NECAP1: variants seen among roughly 807,000 people sequenced by gnomAD.
The protein encoded by NECAP1 is adaptin ear-binding coat-associated protein 1.
In NECAP1, 13 loss-of-function variants were observed where a neutral mutation model predicts 33.4. That is an observed-to-expected ratio of 0.39 (90% confidence interval 0.25 to 0.62). The LOEUF (loss-of-function observed/expected upper bound fraction) is 0.62, where lower values mean the gene tolerates loss of function less well. Among genes scored for constraint, NECAP1 ranks in the 20% least tolerant of loss-of-function variants. The probability of loss-of-function intolerance (pLI) is 0.52; values close to 1 mark genes in which losing one functional copy is unlikely to be tolerated. For synonymous variants in NECAP1, 109 were observed against 125.2 expected (o/e 0.87, Z 0.86); for missense variants, 272 against 347.4 (o/e 0.78, Z 1.73).
chr12:8,090,600 G>C (rs1947534466), intron 3 of NECAP1: 2 of 268,304 alleles, frequency 7.5e-6, no homozygotes, highest in Non-Finnish European at 1.5e-5. Flanking sequence ...CCTGAGGTCA[G>C]GAGTTTGAGG....
At chr12:8,090,432 CT>C in intron 3 of NECAP1, 133 bp downstream of exon 3, 3 of 764,246 alleles carry the variant, frequency 3.9e-6, no homozygotes, top group Non-Finnish European at 6.4e-6. Flanking sequence ...TAAAGTTGCT[CT>C]AGTTGCTAAA....
chr12:8,092,586 C>G, intron 4 of NECAP1, 90 bp from the exon 5 acceptor site: 1 of 884,512 alleles, frequency 1.1e-6, no homozygotes, highest in Admixed American at 2.8e-5. Flanking sequence ...TCTGGAATCT[C>G]ATTTCATAAA....
chr12:8,085,127 T>C (rs1386464510), intron 1 of NECAP1, among the ~76,000 whole-genome samples: 1 of 152,108 alleles, frequency 6.6e-6, no homozygotes, highest in Non-Finnish European at 1.5e-5. Context: ...TCAAGTGATT[T>C]TCCTGCCTCA....
chr12:8,088,907 T>C (rs1488177351), intron 1 of NECAP1: 1 of 152,162 alleles, frequency 6.6e-6, no homozygotes, highest in African/African-American at 2.4e-5. Flanking sequence ...GATAACTCTC[T>C]TGCTTCACAT....
chr12:8,095,754 T>G, intron 7 of NECAP1, 51 bp downstream of exon 7: 1 of 1,507,806 alleles, frequency 6.6e-7, no homozygotes, highest in Non-Finnish European at 9.2e-7. Context: ...GTAGGAGATA[T>G]GTACAGTCAA....
intron 1 of NECAP1, among the ~76,000 whole-genome samples, chr12:8,085,686 C>CTTTTTTT (rs554942626): frequency 1.5e-4 from 16 of 104,822 alleles, no homozygotes; most frequent in African/African-American, 5.5e-4. Flanking sequence ...ACTTAATCTT[C>CTTTTTTT]TTTTTTTTTT....
At chr12:8,088,746 G>T (rs1032160266) in intron 1 of NECAP1, 4 of 152,198 alleles carry the variant, frequency 2.6e-5, no homozygotes, top group Admixed American at 2.6e-4. Flanking sequence ...TGATCTGGCC[G>T]TCTGTTACCT....
chr12:8,091,728 A>G, intron 3 of NECAP1, 41 bp from the exon 4 acceptor site: 12 of 1,592,266 alleles, frequency 7.5e-6, no homozygotes, highest in Non-Finnish European at 1.0e-5. Flanking sequence ...CTCCTGCCAT[A>G]GAGGATACTT....
chr12:8,092,328 G>T, intron 4 of NECAP1: 1 of 264,262 alleles, frequency 3.8e-6, no homozygotes. Context: ...AGGACTCTCT[G>T]AAGTTATAGA....
At chr12:8,088,215 C>T (rs1466781023) in intron 1 of NECAP1, among the ~76,000 whole-genome samples, 1 of 152,146 alleles carries the variant, frequency 6.6e-6, no homozygotes, top group African/African-American at 2.4e-5. Context: ...TTGAACTCGT[C>T]TCATATATTT....
Position 8,082,282 on chromosome 12 carries a change from A to T in NECAP1, c.-7A>T, listed in dbSNP as rs768850267. On this transcript the variant is annotated 5_prime_UTR_variant, in exon 1 of 8. Transcript: ENST00000339754. ...TCGCCCCCGGCAGCGCCGACAGCGG[A>T]CCCAAGATGGCGACCGAGTTGGAGT... The T allele has an allele frequency of 9.5e-6, 15 of 1,586,534 alleles. No individual in the cohort carries two copies. The highest frequency in any genetic ancestry group is 1.3e-5 in the African/African-American group (1 of 74,468).
At chr12:8,087,005 A>T (rs945860875) in intron 1 of NECAP1, among the ~76,000 whole-genome samples, 38 of 81,716 alleles carry the variant, frequency 4.7e-4, no homozygotes, top group African/African-American at 1.2e-3. Context: ...CTATAAAACT[A>T]TTTTTTTTTA....
At chr12:8,094,233 T>C (rs1329236215) in intron 6 of NECAP1, among the ~76,000 whole-genome samples, 1 of 152,180 alleles carries the variant, frequency 6.6e-6, no homozygotes, top group African/African-American at 2.4e-5. Flanking sequence ...TAAATTAAAT[T>C]ATTATTTTGA....
At chr12:8,086,486 C>T (rs745679499) in intron 1 of NECAP1, among the ~76,000 whole-genome samples, 52 of 151,708 alleles carry the variant, frequency 3.4e-4, no homozygotes, top group African/African-American at 1.2e-3. Context: ...TGGTGGCGCA[C>T]ACCTGTAGTC....
intron 1 of NECAP1, among the ~76,000 whole-genome samples, chr12:8,084,550 C>G (rs1947470160): frequency 6.6e-6 from 1 of 151,850 alleles, no homozygotes; most frequent in African/African-American, 2.4e-5. Flanking sequence ...TCATCCTCGC[C>G]CCTCCCCCGA....
In NECAP1 at chr12:8,083,302, AC is replaced by A. The variant is rs1947458821; in HGVS notation, c.95+921del. Reference sequence around the variant, plus strand: ...GAAAAAAAAACCTGTTAGTGATGATACCTGCGCTCTTATAATGTGCTTAACA... The same window carrying A: ...GAAAAAAAAACCTGTTAGTGATGATACTGCGCTCTTATAATGTGCTTAACA... On this transcript the variant is annotated intron_variant, in intron 1 of 7. Coordinates refer to ENST00000339754, the MANE Select transcript of NECAP1 (RefSeq NM_015509.4). 3.9e-5 allele frequency among the ~76,000 whole-genome samples: 6 copies of A among 152,206 alleles called. 1 individual carries two copies. In the South Asian group the frequency reaches 1.2e-3, roughly 32 times the overall value.
chr12:8,088,619 GT>G (rs1303029534), intron 1 of NECAP1, among the ~76,000 whole-genome samples: 2 of 152,174 alleles, frequency 1.3e-5, no homozygotes, highest in East Asian at 3.8e-4. Flanking sequence ...AGCAGATGTA[GT>G]AATCTTTTTA....
At chr12:8,086,928 TACACACAC>T (rs140539415) in intron 1 of NECAP1, among the ~76,000 whole-genome samples, 7 of 143,750 alleles carry the variant, frequency 4.9e-5, no homozygotes, top group South Asian at 4.4e-4. Flanking sequence ...GAGACTCTAT[TACACACAC>T]ACACACACAC....
rs1185645281 is a variant in NECAP1 at position 8,092,950 on chromosome 12, C to T, written c.571C>T (p.Pro191Ser). Residue 191 changes from proline (P) to serine (S), a missense_variant, in exon 6 of 8, where the codon CCA becomes TCA. Physicochemically the swap from Pro to Ser is moderately conservative, Grantham distance 74. Transcript: ENST00000339754. ...GGGLSLLPPP[P>S]GGKVTIPPPS... Reference sequence around the variant, plus strand: ...GGGTCTGAGCTTACTCCCACCCCCGCCAGGAGGCAAAGTCACTATTCCCCC... The same window carrying T: ...GGGTCTGAGCTTACTCCCACCCCCGTCAGGAGGCAAAGTCACTATTCCCCC... The T allele has an allele frequency of 1.9e-6, 3 of 1,607,278 alleles. No individual in the cohort carries two copies. The highest frequency in any genetic ancestry group is 1.7e-6 in the Non-Finnish European group (2 of 1,176,820).
Sources: gnomAD v4.1 joint callset for allele counts (sites outside exome capture counted in the v4.1 genomes callset) on GRCh38, gnomAD v4.1.1 for gene constraint, MANE v1.5 for transcripts, NCBI Gene and HGNC (gene_info 2026-07-23, HGNC 2026-07-21) for gene names.